KYNU: variants seen among roughly 807,000 people sequenced by gnomAD.
KYNU encodes the protein kynureninase, also known as L-kynurenine hydrolase.
In KYNU, 54 loss-of-function variants were observed where a neutral mutation model predicts 59.2. That is an observed-to-expected ratio of 0.91 (90% CI 0.73 to 1.14). The LOEUF (loss-of-function observed/expected upper bound fraction) is 1.14. Among genes scored for constraint, KYNU ranks in the 50% most tolerant of loss-of-function variants. The probability of loss-of-function intolerance (pLI) is 0.00; values close to 1 mark genes in which losing one functional copy is unlikely to be tolerated. For synonymous variants in KYNU, 177 were observed against 192.0 expected, an observed-to-expected ratio of 0.92 and a Z score of 0.65; for missense variants, 567 against 554.4, an observed-to-expected ratio of 1.02 and a Z score of -0.23.
At chr2:142,926,339 T>C (rs970889566) in intron 3 of KYNU, among the ~76,000 whole-genome samples, 1 of 152,130 alleles carries the variant, frequency 6.6e-6, no homozygotes. Context: ...AATTGTGAAA[T>C]CATCTTTGCA....
At chr2:143,021,478 A>G (rs747840637) in intron 10 of KYNU, among the ~76,000 whole-genome samples, 1 of 152,324 alleles carries the variant, frequency 6.6e-6, no homozygotes, top group African/African-American at 2.4e-5. Flanking sequence ...AAGAGGTTCA[A>G]TTGGCTCGTG....
In KYNU at chr2:142,932,638, C is replaced by T. The variant is rs117430103; in HGVS notation, c.373+4897C>T. On this transcript the variant is annotated intron_variant, in intron 4 of 13. Coordinates refer to ENST00000264170, the MANE Select transcript of KYNU (RefSeq NM_003937.3). The stretch of plus-strand genomic sequence containing the variant: ...ACTATATGGAACGTATAATGAATGA[C>T]AAATTGAATATATGTTAATTTGTTG... Among the ~76,000 whole-genome samples the T allele has an allele frequency of 9.2e-5, 14 of 151,954 alleles. No homozygotes were observed. In the East Asian group the frequency reaches 2.7e-3, roughly 30 times the overall value.
At chr2:143,040,707 T>C in intron 13 of KYNU, 49 bp downstream of exon 13, 1 of 1,221,934 alleles carries the variant, frequency 8.2e-7, no homozygotes, top group Non-Finnish European at 1.2e-6. Context: ...GGCCGCATGT[T>C]AGGGATAAAA....
intron 10 of KYNU, among the ~76,000 whole-genome samples, chr2:143,011,278 A>T (rs1320334778): frequency 2.3e-5 from 3 of 128,600 alleles, no homozygotes; most frequent in Admixed American, 2.3e-4. Flanking sequence ...TTCTCAAAAG[A>T]AGACATTTAT....
chr2:142,917,744 G>T (rs955003848), intron 2 of KYNU, among the ~76,000 whole-genome samples: 45 of 152,186 alleles, frequency 3.0e-4, no homozygotes, highest in African/African-American at 1.1e-3. Flanking sequence ...AGGCTTAAAA[G>T]ATGCCAATGA....
chr2:143,004,352 A>G (rs1685803957), intron 10 of KYNU, among the ~76,000 whole-genome samples: 1 of 152,212 alleles, frequency 6.6e-6, no homozygotes, highest in African/African-American at 2.4e-5. Flanking sequence ...CAGGTCCAGT[A>G]AAATCTTCCT....
Position 143,040,574 on chromosome 2 carries a change from A to G in KYNU, c.1188A>G (p.Val396=). 2.5e-6 allele frequency: 4 copies of G among 1,612,916 alleles called. No individual in the cohort carries two copies. Among genetic ancestry groups the G allele is most frequent in the Non-Finnish European group, 3.4e-6 (4 of 1,179,234 alleles). The change falls in exon 13 of 14, where the codon GTA becomes GTG. Residue 396 remains valine, a synonymous_variant. Transcript: ENST00000264170. ...PVVNIITPSH[V]EERGCQLTIT... The stretch of plus-strand genomic sequence containing the variant: ...TGAACATAATTACTCCGTCTCATGT[A>G]GAGGAGCGGGGGTGCCAGCTAACAA...
chr2:142,997,463 C>T (rs997635432), intron 10 of KYNU, among the ~76,000 whole-genome samples: 2 of 152,092 alleles, frequency 1.3e-5, no homozygotes, highest in African/African-American at 4.8e-5. Flanking sequence ...GTCTGATCAG[C>T]ACATTTTTTA....
chr2:142,881,123 G>A (rs1476867078), intron 1 of KYNU, among the ~76,000 whole-genome samples: 2 of 152,142 alleles, frequency 1.3e-5, no homozygotes, highest in Non-Finnish European at 2.9e-5. Context: ...AGTTGAAGGG[G>A]AGCAAAACAT....
chr2:142,911,427 C>A (rs749683839), intron 2 of KYNU, among the ~76,000 whole-genome samples: 1 of 152,108 alleles, frequency 6.6e-6, no homozygotes, highest in Non-Finnish European at 1.5e-5. Flanking sequence ...TGAAACTTTA[C>A]TGAAATTGTG....
chr2:143,012,489 A>G (rs4662191), intron 10 of KYNU, among the ~76,000 whole-genome samples: 53 of 142,850 alleles, frequency 3.7e-4, no homozygotes, highest in African/African-American at 1.5e-3. Context: ...TCTCCAAAAA[A>G]CAAAAAAAAA....
chr2:142,908,993 C>T, intron 2 of KYNU, among the ~76,000 whole-genome samples: 1 of 152,194 alleles, frequency 6.6e-6, no homozygotes, highest in South Asian at 2.1e-4. Flanking sequence ...ATTATTCTAA[C>T]CAGTTTTAAA....
At position 143,050,958 on chromosome 2, in the gene KYNU, A is replaced by G. The variant is rs1334526034; in HGVS notation, c.*8786A>G. 2 of 152,154 alleles carry G rather than the reference A, an allele frequency of 1.3e-5. No individual in the cohort carries two copies. The highest frequency in any genetic ancestry group is 4.8e-5 in the African/African-American group (2 of 41,438). The allele number at this position is 152,154 out of a possible 1,614,324, so 9.4% of individuals were successfully genotyped here. On this transcript the variant is annotated 3_prime_UTR_variant, in exon 14 of 14. Transcript: ENST00000264170. Reference sequence around the variant, plus strand: ...AAAGTATTAGGGTACCTTGTTACTGAGATTATGGATGTGATGCTTCTGTGG... The same window carrying G: ...AAAGTATTAGGGTACCTTGTTACTGGGATTATGGATGTGATGCTTCTGTGG...
intron 8 of KYNU, among the ~76,000 whole-genome samples, chr2:142,963,219 T>C (rs777437057): frequency 6.6e-5 from 10 of 152,136 alleles, no homozygotes; most frequent in Non-Finnish European, 1.5e-4. Flanking sequence ...ATGAGTTATT[T>C]TGAGGCCTTA....
intron 3 of KYNU, among the ~76,000 whole-genome samples, chr2:142,926,120 G>T (rs189918215): frequency 6.6e-6 from 1 of 152,176 alleles, no homozygotes; most frequent in East Asian, 1.9e-4. Flanking sequence ...TCACACACTG[G>T]GGCCTGTGGG....
At chr2:142,916,611 A>C (rs1478973723) in intron 2 of KYNU, among the ~76,000 whole-genome samples, 1 of 152,216 alleles carries the variant, frequency 6.6e-6, no homozygotes, top group East Asian at 1.9e-4. Flanking sequence ...TCCCCAGATC[A>C]TGACACCTCT....
chr2:142,928,056 A>G (rs565809747), intron 4 of KYNU, among the ~76,000 whole-genome samples: 9 of 152,330 alleles, frequency 5.9e-5, no homozygotes, highest in Admixed American at 2.6e-4. Flanking sequence ...TTTCATAAAA[A>G]TCAACTGAAA....
intron 10 of KYNU, among the ~76,000 whole-genome samples, chr2:142,995,928 T>A (rs188791719): frequency 1.3e-5 from 2 of 152,244 alleles, no homozygotes; most frequent in East Asian, 3.9e-4. Flanking sequence ...TAGGCACTAG[T>A]TCGGTGTTCT....
At chr2:142,989,074 C>T (rs1040618882) in intron 10 of KYNU, among the ~76,000 whole-genome samples, 3 of 151,904 alleles carry the variant, frequency 2.0e-5, no homozygotes, top group African/African-American at 4.8e-5. Context: ...CAATATCACG[C>T]TGCTCAAATA....
Sources: gnomAD v4.1 joint callset for allele counts (sites outside exome capture counted in the v4.1 genomes callset) on GRCh38, gnomAD v4.1.1 for gene constraint, MANE v1.5 for transcripts, NCBI Gene and HGNC (gene_info 2026-07-23, HGNC 2026-07-21) for gene names.